The following PDGFRA variants were observed in gnomAD, a reference collection of about 807,000 sequenced individuals.
PDGFRA encodes the protein platelet-derived growth factor receptor alpha.
Under a neutral mutation model 121.5 loss-of-function variants are expected in PDGFRA, and 25 were observed. The observed-to-expected ratio is 0.21, with a 90% CI of 0.15 to 0.29. The LOEUF is 0.29. PDGFRA is among the 10% of genes least tolerant of loss of function. The pLI, the probability that PDGFRA is intolerant of heterozygous loss-of-function variation, is 1.00. For missense variants in PDGFRA, 1,008 were observed against 1,345.1 expected (o/e 0.75, Z 3.92); for synonymous variants, 463 against 494.8 (o/e 0.94, Z 0.85).
intron 10 of PDGFRA, 121 bp from the exon 11 acceptor site, chr4:54,274,410 C>A: frequency 1.3e-6 from 1 of 761,524 alleles, no homozygotes; most frequent in Non-Finnish European, 2.3e-6. Flanking sequence ...AACCAGGCAG[C>A]CCTCACACTT....
chr4:54,280,236 A>ACGTTGTAGGTCCCC, intron 15 of PDGFRA, 80 bp from the exon 16 acceptor site: 2 of 316,014 alleles, frequency 6.3e-6, no homozygotes, highest in East Asian at 8.2e-5. Flanking sequence ...AGTACCTGGC[A>ACGTTGTAGGTCCCC]CATAATCATC....
chr4:54,246,528 G>A (rs1721675742), intron 1 of PDGFRA, among the ~76,000 whole-genome samples: 1 of 152,026 alleles, frequency 6.6e-6, no homozygotes, highest in African/African-American at 2.4e-5. Flanking sequence ...CGAGAACAAA[G>A]ACACAACATA....
rs938329874 is a variant in PDGFRA at position 54,297,457 on chromosome 4, C to T, written c.*2185C>T. The T allele has an allele frequency of 5.1e-5, 12 of 233,570 alleles. No individual in the cohort carries two copies. Among genetic ancestry groups the T allele is most frequent in the Non-Finnish European group, 8.5e-5 (10 of 118,052 alleles). 14.5% of individuals were successfully genotyped at this position (233,570 alleles called of 1,614,324 possible). A position where few individuals can be genotyped will look rare whatever the true frequency, so the allele number is the denominator to read the frequency against. ...TGTAGAGCCAATTAGACTTGAAATA[C>T]GTTTGTGTTTCTAGAATCACAGCTC... On this transcript the variant is annotated 3_prime_UTR_variant, in exon 23 of 23. Coordinates refer to ENST00000257290, the MANE Select transcript of PDGFRA (RefSeq NM_006206.6).
Position 54,290,510 on chromosome 4 carries a change from C to A in PDGFRA, c.3078C>A (p.Asp1026Glu). ...ACATCATTCCTCTGCCTGACATTGACCCTGTCCCTGAGGAGGAGGACCTGG... is the reference window on the plus strand; with the variant it reads ...ACATCATTCCTCTGCCTGACATTGAACCTGTCCCTGAGGAGGAGGACCTGG... ...SGYIIPLPDI[D>E]PVPEEEDLGK... is the part of the protein sequence containing the mutation. The change falls in exon 22 of 23, where the codon GAC becomes GAA. Residue 1026 changes from aspartate (D) to glutamate (E), a missense_variant. Asp to Glu is a conservative substitution (Grantham distance 45). Transcript: ENST00000257290. 6.2e-7 allele frequency: 1 copy of A among 1,614,102 alleles called. No homozygotes were observed. Among genetic ancestry groups the A allele is most frequent in the Non-Finnish European group, 8.5e-7 (1 of 1,179,950 alleles).
chr4:54,294,817 T>G (rs1014789676), intron 22 of PDGFRA, among the ~76,000 whole-genome samples: 6 of 152,170 alleles, frequency 3.9e-5, no homozygotes, highest in East Asian at 1.9e-4. Context: ...TCCCAGGCCT[T>G]TGGATCAGGC....
At chr4:54,270,524 A>T (rs562843768) in intron 7 of PDGFRA, 109 bp from the exon 8 acceptor site, 19 of 710,840 alleles carry the variant, frequency 2.7e-5, no homozygotes, top group Admixed American at 1.6e-4. Flanking sequence ...AAAAAAGATG[A>T]CTTTACTTTT....
At position 54,285,544 on chromosome 4, in the gene PDGFRA, C is replaced by T. The variant is rs2412559; in HGVS notation, c.2439+58C>T. 3.6e-6 allele frequency: 3 copies of T among 825,312 alleles called. No homozygotes were observed. The African/African-American group carries it at 5.0e-5, about 14-fold the overall frequency. 51.1% of individuals were successfully genotyped at this position (825,312 alleles called of 1,614,324 possible). On this transcript the variant is annotated intron_variant, in intron 17 of 22. Transcript: ENST00000257290. ...CAGATTTCAGTGAGTGGAGTGTGGA[C>T]GGAGATGCTAGGAGATAGATGTTGG...
chr4:54,237,405 G>A (rs1721076073), intron 1 of PDGFRA, among the ~76,000 whole-genome samples: 1 of 152,206 alleles, frequency 6.6e-6, no homozygotes, highest in African/African-American at 2.4e-5. Flanking sequence ...AAAGCAGTGA[G>A]CCCTTCTTTT....
intron 8 of PDGFRA, 49 bp from the exon 9 acceptor site, chr4:54,272,345 G>A: frequency 1.2e-6 from 2 of 1,608,084 alleles, no homozygotes; most frequent in Non-Finnish European, 8.5e-7. Flanking sequence ...AGTCTCATAT[G>A]TTCTGGGACA....
chr4:54,294,795 C>G (rs1056223068), intron 22 of PDGFRA, among the ~76,000 whole-genome samples: 4 of 152,188 alleles, frequency 2.6e-5, no homozygotes, highest in Non-Finnish European at 4.4e-5. Context: ...GACTTCACCC[C>G]CTGCTCTGCC....
chr4:54,259,044 A>C (rs1722537168), intron 2 of PDGFRA, among the ~76,000 whole-genome samples: 1 of 152,234 alleles, frequency 6.6e-6, no homozygotes. Flanking sequence ...GTTTTAGTAC[A>C]TATATAATGT....
chr4:54,296,983 G>A lies in PDGFRA; in HGVS notation c.*1711G>A, dbSNP rs554272514. Reference sequence around the variant, plus strand: ...GTATGGGGGAGATTGAACTTTCCCCGTCTCCCGTCTTCTGCCTCCCACTCC... The same window carrying A: ...GTATGGGGGAGATTGAACTTTCCCCATCTCCCGTCTTCTGCCTCCCACTCC... On this transcript the variant is annotated 3_prime_UTR_variant, in exon 23 of 23. Transcript: ENST00000257290. 4.7e-5 allele frequency: 11 copies of A among 233,064 alleles called. No individual in the cohort carries two copies. The highest frequency in any genetic ancestry group is 1.5e-4 in the African/African-American group (7 of 45,426). The allele number at this position is 233,064 out of a possible 1,614,324, so 14.4% of individuals were successfully genotyped here. A position where few individuals can be genotyped will look rare whatever the true frequency, so the allele number is the denominator to read the frequency against.
In PDGFRA at chr4:54,267,620, C is replaced by G. The variant is rs1723113261; in HGVS notation, c.1000C>G (p.His334Asp). The change falls in exon 7 of 23, where the codon CAT (histidine) becomes GAT (aspartate). Residue 334 changes from histidine (H) to aspartate (D), a missense_variant. Coordinates refer to ENST00000257290, the MANE Select transcript of PDGFRA (RefSeq NM_006206.6). ...AGCTGTCAACCTGCATGAAGTCAAACATTTTGTTGTAGAGGTGCGGGCCTA... is the reference window on the plus strand; with the variant it reads ...AGCTGTCAACCTGCATGAAGTCAAAGATTTTGTTGTAGAGGTGCGGGCCTA... ...LEAVNLHEVK[H>D]FVVEVRAYPP... The G allele has an allele frequency of 6.2e-7, 1 of 1,614,060 alleles. No homozygotes were observed. Among genetic ancestry groups the G allele is most frequent in the African/African-American group, 1.3e-5 (1 of 74,934 alleles).
rs1577748766 is a variant in PDGFRA at position 54,290,540 on chromosome 4, G to A, written c.3108G>A (p.Lys1036=). 1.2e-6 allele frequency: 2 copies of A among 1,614,212 alleles called. No homozygotes were observed. The highest frequency in any genetic ancestry group is 1.7e-6 in the Non-Finnish European group (2 of 1,180,032). The change falls in exon 22 of 23, where the codon AAG becomes AAA. Residue 1036 remains lysine (K), a synonymous_variant. Transcript: ENST00000257290. ...DPVPEEEDLG[K]RNRHSSQTSE... ...TCCCTGAGGAGGAGGACCTGGGCAAGAGGAACAGACACAGGTAGCTGTGGG... is the reference window on the plus strand; with the variant it reads ...TCCCTGAGGAGGAGGACCTGGGCAAAAGGAACAGACACAGGTAGCTGTGGG...
At chr4:54,257,957 G>GAAAATTAGAAAAAA (rs1284050648) in intron 1 of PDGFRA, among the ~76,000 whole-genome samples, 2 of 152,002 alleles carry the variant, frequency 1.3e-5, no homozygotes, top group Non-Finnish European at 2.9e-5. Flanking sequence ...TTTGGCTGTA[G>GAAAATTAGAAAAAA]AAAATTAGAA....
chr4:54,235,695 A>G (rs1720969771), intron 1 of PDGFRA, among the ~76,000 whole-genome samples: 1 of 152,326 alleles, frequency 6.6e-6, no homozygotes, highest in Admixed American at 6.5e-5. Flanking sequence ...GGTGCAGGGC[A>G]AGTCATGTGG....
At chr4:54,279,546 C>T (rs1367346781) in intron 15 of PDGFRA, among the ~76,000 whole-genome samples, 1 of 151,858 alleles carries the variant, frequency 6.6e-6, no homozygotes, top group Non-Finnish European at 1.5e-5. Flanking sequence ...CTTTTTTTCC[C>T]TATTTAAAAA....
At chr4:54,229,789 T>TG (rs1169242082) in intron 1 of PDGFRA, 1 of 154,106 alleles carries the variant, frequency 6.5e-6, no homozygotes, top group African/African-American at 2.4e-5. Context: ...ACCAAGGAAC[T>TG]GGGGGTGGAG....
At chr4:54,257,990 G>A (rs1023657340) in intron 1 of PDGFRA, among the ~76,000 whole-genome samples, 25 of 152,086 alleles carry the variant, frequency 1.6e-4, no homozygotes, top group African/African-American at 5.5e-4. Flanking sequence ...TGGTTTGCAC[G>A]GGTGCTTTTA....
Sources: allele counts gnomAD v4.1 joint callset (sites outside exome capture counted in the v4.1 genomes callset), GRCh38; gene constraint gnomAD v4.1.1; transcripts MANE v1.5; gene names NCBI Gene and HGNC (gene_info 2026-07-23, HGNC 2026-07-21).